MEAF6: variants seen among roughly 807,000 people sequenced by gnomAD.
MEAF6 encodes MYST/Esa1 associated factor 6, also known as chromatin modification-related protein MEAF6.
MEAF6 carries 15 observed loss-of-function variants against 28.9 expected under a neutral mutation model. The ratio of observed to expected loss-of-function variants is 0.52; its 90% CI spans 0.35 to 0.80. The LOEUF is 0.80. Ranked by LOEUF, MEAF6 falls within the 30% of genes least tolerant of loss-of-function variation. The probability of loss-of-function intolerance (pLI) is 0.01; values close to 1 mark genes in which losing one functional copy is unlikely to be tolerated. For missense variants in MEAF6, 178 were observed against 237.5 expected (o/e 0.75, Z 1.65); for synonymous variants, 97 against 88.7 (o/e 1.09, Z -0.53).
intron 6 of MEAF6, among the ~76,000 whole-genome samples, chr1:37,495,619 A>G (rs984381198): frequency 3.6e-4 from 53 of 147,064 alleles, no homozygotes; most frequent in African/African-American, 1.3e-3. Context: ...GGTCAAGGCC[A>G]CAGTGAACTG....
Position 37,501,806 on chromosome 1 carries a change from G to C in MEAF6, c.531C>G (p.His177Gln), listed in dbSNP as rs1642312557. The C allele has an allele frequency of 1.9e-6, 3 of 1,583,000 alleles. No homozygotes were observed. Among genetic ancestry groups the C allele is most frequent in the Non-Finnish European group, 2.6e-6 (3 of 1,158,076 alleles). ...GGGGTGGGATCCCTGCCACTGACCT[G>C]TGCCGGTTTTTATTCTTTCGCTTTT... ...SHKKRKNKNR[H>Q]RIDLKLNKKP... The change falls in exon 5 of 7, where the codon CAC (histidine) becomes CAG (glutamine). Residue 177 changes from histidine (H) to glutamine (Q), a missense_variant and splice_region_variant. Coordinates refer to ENST00000296214, the MANE Select transcript of MEAF6 (RefSeq NM_001270875.3).
chr1:37,510,381 ATT>A (rs34785696), intron 2 of MEAF6, among the ~76,000 whole-genome samples: 11 of 95,010 alleles, frequency 1.2e-4, no homozygotes, highest in African/African-American at 3.7e-4. Context: ...GCACCTAGCC[ATT>A]TTTTTTTTTT....
At chr1:37,503,970 T>C (rs1197758143) in intron 4 of MEAF6, among the ~76,000 whole-genome samples, 1 of 152,032 alleles carries the variant, frequency 6.6e-6, no homozygotes, top group Non-Finnish European at 1.5e-5. Context: ...AAAAAAAGAA[T>C]ATAGTTATTG....
rs1642349533 is a variant in MEAF6 at position 37,502,581 on chromosome 1, C to G, written c.341-585G>C. On this transcript the variant is annotated intron_variant, in intron 4 of 6. Coordinates refer to ENST00000296214, the MANE Select transcript of MEAF6 (RefSeq NM_001270875.3). ...GTTTTTTTTTTGTTTGTTTGTTTAA[C>G]CTTTAAGCTCTGTTGAACTTGAACC... Among the ~76,000 whole-genome samples, 4 of 147,532 alleles carry G rather than the reference C, an allele frequency of 2.7e-5. No homozygotes were observed. The South Asian group carries it at 6.4e-4, about 24-fold the overall frequency.
chr1:37,510,426 G>A (rs146496431), intron 2 of MEAF6, among the ~76,000 whole-genome samples: 1 of 120,308 alleles, frequency 8.3e-6, no homozygotes, highest in African/African-American at 3.2e-5. Flanking sequence ...CTGTCTCCCA[G>A]ACTGGAGTGC....
chr1:37,501,724 C>A (rs1642309535), intron 5 of MEAF6, 80 bp downstream of exon 5: 2 of 1,320,106 alleles, frequency 1.5e-6, no homozygotes, highest in African/African-American at 2.9e-5. Flanking sequence ...CTGCAGCAAT[C>A]CTAAAGAGTT....
At chr1:37,496,714 C>A in intron 5 of MEAF6, 1 of 1,602,038 alleles carries the variant, frequency 6.2e-7, no homozygotes, top group African/African-American at 1.3e-5. Flanking sequence ...TACTCAAAGT[C>A]ATAATCAAAC....
Position 37,507,062 on chromosome 1 carries a change from G to A in MEAF6, c.340+2216C>T, listed in dbSNP as rs527596843. On this transcript the variant is annotated intron_variant, in intron 4 of 6. Coordinates refer to ENST00000296214, the MANE Select transcript of MEAF6 (RefSeq NM_001270875.3). Reference sequence around the variant, plus strand: ...GGGCCGGGCCCTGTGGCTCACGCCTGTAATCCCAGCAATTTGGGAGGCAAA... The same window carrying A: ...GGGCCGGGCCCTGTGGCTCACGCCTATAATCCCAGCAATTTGGGAGGCAAA... Among the ~76,000 whole-genome samples the A allele has an allele frequency of 1.9e-4, 29 of 152,302 alleles. No homozygotes were observed. The East Asian group carries it at 5.4e-3, about 28-fold the overall frequency.
At chr1:37,502,384 T>A (rs919061747) in intron 4 of MEAF6, among the ~76,000 whole-genome samples, 1 of 151,954 alleles carries the variant, frequency 6.6e-6, no homozygotes, top group African/African-American at 2.4e-5. Context: ...TCTATAGTCT[T>A]AAAAATATAT....
rs755160497 is a variant in MEAF6, at chr1:37,509,349, G to C, written c.295-26C>G. The C allele has an allele frequency of 5.0e-6, 8 of 1,613,500 alleles. No individual in the cohort carries two copies. In the Admixed American group the frequency reaches 5.0e-5, roughly 10 times the overall value. On this transcript the variant is annotated intron_variant, in intron 3 of 6. Coordinates refer to ENST00000296214, the MANE Select transcript of MEAF6 (RefSeq NM_001270875.3). ...CTAAAAGAAAAGCCACCAGTTACTA[G>C]AAAAGTGACCACAGACCTCAGAAGA...
intron 5 of MEAF6, among the ~76,000 whole-genome samples, chr1:37,497,857 G>A (rs1642171246): frequency 6.6e-6 from 1 of 152,028 alleles, no homozygotes; most frequent in African/African-American, 2.4e-5. Flanking sequence ...CCCCTAAAGT[G>A]CTGGGATTAC....
rs1489073371 is a variant in MEAF6 at position 37,512,615 on chromosome 1, C to T, written c.206+808G>A. ...GCAAAAATTGTGAGGGTCAGTTGGGCGTGGTGGCTCACCCCTTTAATTCCA... is the reference window on the plus strand; with the variant it reads ...GCAAAAATTGTGAGGGTCAGTTGGGTGTGGTGGCTCACCCCTTTAATTCCA... On this transcript the variant is annotated intron_variant, in intron 2 of 6. Transcript: ENST00000296214. 2.0e-5 allele frequency among the ~76,000 whole-genome samples: 3 copies of T among 152,126 alleles called. No individual in the cohort carries two copies. In the East Asian group the frequency reaches 5.8e-4, roughly 29 times the overall value.
chr1:37,497,533 A>G (rs1642161840), intron 5 of MEAF6, among the ~76,000 whole-genome samples: 1 of 152,142 alleles, frequency 6.6e-6, no homozygotes, highest in South Asian at 2.1e-4. Flanking sequence ...TTAACTGTCT[A>G]TATCAGGGCT....
intron 4 of MEAF6, among the ~76,000 whole-genome samples, chr1:37,504,061 G>A (rs1004146050): frequency 2.0e-5 from 3 of 152,240 alleles, no homozygotes; most frequent in Admixed American, 6.5e-5. Context: ...GCTGGTGGGA[G>A]GTGACTGGAT....
chr1:37,512,948 T>C (rs1380919545), intron 2 of MEAF6, among the ~76,000 whole-genome samples: 1 of 151,872 alleles, frequency 6.6e-6, no homozygotes, highest in East Asian at 1.9e-4. Context: ...CCCAACACTT[T>C]GGGAGGCCAA....
At chr1:37,505,021 T>C (rs1317762944) in intron 4 of MEAF6, among the ~76,000 whole-genome samples, 1 of 151,940 alleles carries the variant, frequency 6.6e-6, no homozygotes, top group Non-Finnish European at 1.5e-5. Context: ...GTAACTGGGA[T>C]TACAGGCACC....
chr1:37,494,667 C>T (rs536292312), intron 6 of MEAF6, among the ~76,000 whole-genome samples: 2 of 151,638 alleles, frequency 1.3e-5, no homozygotes, highest in South Asian at 2.1e-4. Context: ...CATGTCTCTA[C>T]AAAAAACACA....
chr1:37,500,108 C>T (rs1216069083), intron 5 of MEAF6, among the ~76,000 whole-genome samples: 1 of 152,138 alleles, frequency 6.6e-6, no homozygotes, highest in Non-Finnish European at 1.5e-5. Context: ...GTAGTTCACA[C>T]CAACACAGTG....
intron 1 of MEAF6, 43 bp downstream of exon 1, chr1:37,514,614 G>C (rs754597988): frequency 9.2e-6 from 13 of 1,419,996 alleles, no homozygotes; most frequent in Non-Finnish European, 1.2e-5. Context: ...GGCGGGGCGG[G>C]CGCGGAGCCC....
Sources: allele counts gnomAD v4.1 joint callset (sites outside exome capture counted in the v4.1 genomes callset), GRCh38; gene constraint gnomAD v4.1.1; transcripts MANE v1.5; gene names NCBI Gene and HGNC (gene_info 2026-07-23, HGNC 2026-07-21).